Variants in ARHGEF11 observed in about 807,000 individuals in gnomAD.
ARHGEF11 encodes the protein Rho guanine exchange factor (GEF) 11.
ARHGEF11 carries 55 observed loss-of-function variants against 193.7 expected under a neutral mutation model. The ratio of observed to expected loss-of-function variants is 0.28; its 90% confidence interval spans 0.23 to 0.36. The LOEUF (loss-of-function observed/expected upper bound fraction) is 0.36, where lower values mean the gene tolerates loss of function less well. ARHGEF11 is among the 10% of genes least tolerant of loss of function. The probability of loss-of-function intolerance (pLI) is 1.00; values close to 1 mark genes in which losing one functional copy is unlikely to be tolerated. For synonymous variants in ARHGEF11, 693 were observed against 768.0 expected (o/e 0.90, Z 1.62); for missense variants, 1,723 against 2,005.6 (o/e 0.86, Z 2.69).
rs1336390834 is a variant in ARHGEF11 at position 156,944,192 on chromosome 1, AG to A, written c.3068-91del. ...AGGGCCACAGGCTCTTGGAGGCTCT[AG>A]GAAGTCCTGGGAGTCTGGTGACCCC... On this transcript the variant is annotated intron_variant, in intron 31 of 40. Coordinates refer to ENST00000368194, the MANE Select transcript of ARHGEF11 (RefSeq NM_198236.3). 10 of 1,519,412 alleles carry A rather than the reference AG, an allele frequency of 6.6e-6. No individual in the cohort carries two copies. The Admixed American group carries it at 7.6e-5, about 12-fold the overall frequency. The allele number at this position is 1,519,412 out of a possible 1,614,324, so 94.1% of individuals were successfully genotyped here.
At chr1:156,959,945 A>AAC (rs1660583912) in intron 15 of ARHGEF11, among the ~76,000 whole-genome samples, 1 of 93,026 alleles carries the variant, frequency 1.1e-5, no homozygotes, top group Non-Finnish European at 2.1e-5. Context: ...CCCCCCCCCA[A>AAC]AAAAAACAAT....
In ARHGEF11 at chr1:157,044,673, A is replaced by G. The variant is rs1007499219; in HGVS notation, c.-343T>C. ...AGGTTAGCACTATGGCCAAAAAAAA[A>G]TGAATCACAGAAAAATGTGCCTTCA... On this transcript the variant is annotated 5_prime_UTR_variant, in exon 1 of 41. Coordinates refer to ENST00000368194, the MANE Select transcript of ARHGEF11 (RefSeq NM_198236.3). The G allele has an allele frequency of 1.7e-5, 7 of 423,914 alleles. 1 individual carries two copies. The highest frequency in any genetic ancestry group is 2.9e-5 in the Non-Finnish European group (7 of 240,826). The allele number at this position is 423,914 out of a possible 1,614,324, so 26.3% of individuals were successfully genotyped here.
Position 156,978,279 on chromosome 1 carries a change from C to T in ARHGEF11, c.435G>A (p.Thr145=), listed in dbSNP as rs775265585. Residue 145 remains threonine (T), a synonymous_variant, in exon 6 of 41, where the codon ACG becomes ACA. Transcript: ENST00000368194. ...GAGGTGGTGGTGAGGGGATCACTGA[C>T]GTGATTCGGGGAGCTCCTGCTGGGG... ...DPSPAGAPRI[T]SVIPSPPPPP... is the part of the protein sequence containing the mutation. 1.5e-5 allele frequency: 25 copies of T among 1,613,898 alleles called. No individual in the cohort carries two copies. In the Admixed American group the frequency reaches 2.5e-4, roughly 16 times the overall value.
chr1:156,985,485 G>A (rs779823806), intron 2 of ARHGEF11, among the ~76,000 whole-genome samples: 3 of 152,056 alleles, frequency 2.0e-5, no homozygotes, highest in South Asian at 2.1e-4. Context: ...GTGCAATGGC[G>A]CGATCTCGAC....
At chr1:156,956,326 G>T in intron 19 of ARHGEF11, 94 bp downstream of exon 19, 1 of 1,334,136 alleles carries the variant, frequency 7.5e-7, no homozygotes, top group Non-Finnish European at 1.1e-6. Context: ...ATGTTGCCCA[G>T]GCTGGTCTCG....
chr1:156,992,814 C>T (rs1354360776), intron 1 of ARHGEF11, among the ~76,000 whole-genome samples: 1 of 152,108 alleles, frequency 6.6e-6, no homozygotes, highest in Non-Finnish European at 1.5e-5. Context: ...CCACAGCTTA[C>T]ACTGCCCACT....
At position 156,951,681 on chromosome 1, in the gene ARHGEF11, C is replaced by T; in HGVS notation, c.1817G>A (p.Arg606Lys). Residue 606 changes from arginine to lysine, a missense_variant, in exon 22 of 41, where the codon AGG (arginine) becomes AAG (lysine). Arg to Lys is a conservative substitution (Grantham distance 26). Transcript: ENST00000368194. ...GTTCTCAAAGTGCTGAATGATGTTC[C>T]TCACATTGCCTGGTTTGACTAGAAG... ...SPVEVKPGNV[R>K]NIIQHFENNQ... 2 of 1,614,142 alleles carry T rather than the reference C, an allele frequency of 1.2e-6. No homozygotes were observed.
At chr1:156,968,213 C>T in intron 10 of ARHGEF11, 89 bp from the exon 11 acceptor site, 1 of 1,432,384 alleles carries the variant, frequency 7.0e-7, no homozygotes. Context: ...GATAACCATA[C>T]TTATAACATC....
intron 1 of ARHGEF11, among the ~76,000 whole-genome samples, chr1:157,007,047 C>T (rs1667908452): frequency 6.6e-6 from 1 of 152,182 alleles, no homozygotes; most frequent in East Asian, 1.9e-4. Flanking sequence ...CAGGACATGA[C>T]TGACTGGGTA....
chr1:157,033,089 T>C (rs532733943), intron 1 of ARHGEF11, among the ~76,000 whole-genome samples: 15 of 152,300 alleles, frequency 9.8e-5, no homozygotes, highest in Admixed American at 9.2e-4. Context: ...GACCTGCTAA[T>C]GTGATTCTCT....
chr1:156,980,838 G>C (rs1243790599), intron 3 of ARHGEF11, among the ~76,000 whole-genome samples: 3 of 117,194 alleles, frequency 2.6e-5, no homozygotes, highest in South Asian at 3.6e-4. Flanking sequence ...TATTCCGGGG[G>C]GGGGGGGGGA....
At position 156,936,950 on chromosome 1, in the gene ARHGEF11, C is replaced by A. The variant is rs1486870776; in HGVS notation, c.4496G>T (p.Gly1499Val). The A allele has an allele frequency of 6.2e-7, 1 of 1,614,110 alleles. No individual in the cohort carries two copies. The highest frequency in any genetic ancestry group is 2.2e-5 in the East Asian group (1 of 44,862). Reference sequence around the variant, plus strand: ...GAAACTGCCCACAGGCGTGGTGCCACCAGATGACTCTCCCCCAAGGGACTT... The same window carrying A: ...GAAACTGCCCACAGGCGTGGTGCCAACAGATGACTCTCCCCCAAGGGACTT... ...LLKSLGGESS[G>V]GTTPVGSFHT... is the part of the protein sequence containing the mutation. The change falls in exon 40 of 41, where the codon GGT becomes GTT. Residue 1499 changes from glycine (G) to valine (V), a missense_variant. Around this residue, in one of 5 missense-constraint regions of ARHGEF11, gnomAD observed 360 missense variants for 344.4 expected, o/e 1.05. Coordinates refer to ENST00000368194, the MANE Select transcript of ARHGEF11 (RefSeq NM_198236.3).
At chr1:157,036,572 T>A (rs1571611645) in intron 1 of ARHGEF11, among the ~76,000 whole-genome samples, 1 of 151,940 alleles carries the variant, frequency 6.6e-6, no homozygotes, top group African/African-American at 2.4e-5. Flanking sequence ...TCCACCCACC[T>A]CGGCCTCCCA....
At chr1:156,978,806 A>G (rs1223733974) in intron 5 of ARHGEF11, among the ~76,000 whole-genome samples, 2 of 152,270 alleles carry the variant, frequency 1.3e-5, no homozygotes, top group East Asian at 3.9e-4. Context: ...TGTTGTTTCT[A>G]TTTGAATATT....
In ARHGEF11 at chr1:156,938,337, T is replaced by G. The variant is rs1197002568; in HGVS notation, c.4192+81A>C. On this transcript the variant is annotated intron_variant, in intron 38 of 40. Coordinates refer to ENST00000368194, the MANE Select transcript of ARHGEF11 (RefSeq NM_198236.3). Reference sequence around the variant, plus strand: ...GAGCTTGTGGGTGTGTGTGTGACCATGGGCAGGGGTCCGACTCTGCCCTCA... The same window carrying G: ...GAGCTTGTGGGTGTGTGTGTGACCAGGGGCAGGGGTCCGACTCTGCCCTCA... 13 of 1,323,704 alleles carry G rather than the reference T, an allele frequency of 9.8e-6. No homozygotes were observed. In the East Asian group the frequency reaches 3.1e-4, roughly 32 times the overall value. The allele number at this position is 1,323,704 out of a possible 1,614,324, so 82.0% of individuals were successfully genotyped here. A position where few individuals can be genotyped will look rare whatever the true frequency, so the allele number is the denominator to read the frequency against.
At chr1:156,963,780 C>T in intron 11 of ARHGEF11, 186 bp from the exon 12 acceptor site, 1 of 1,425,832 alleles carries the variant, frequency 7.0e-7, no homozygotes, top group South Asian at 1.5e-5. Context: ...TGCAGGAAGT[C>T]AACTGCTTCT....
At chr1:156,955,028 G>A (rs912761951) in intron 20 of ARHGEF11, 107 bp from the exon 21 acceptor site, 9 of 917,066 alleles carry the variant, frequency 9.8e-6, no homozygotes, top group African/African-American at 5.0e-5. Context: ...AGGTAGTGGC[G>A]AAAATCAAGG....
intron 1 of ARHGEF11, among the ~76,000 whole-genome samples, chr1:157,013,298 CA>C (rs1668791655): frequency 1.3e-5 from 2 of 150,952 alleles, no homozygotes; most frequent in Non-Finnish European, 3.0e-5. Flanking sequence ...CACACACACA[CA>C]CCAAGAACCT....
intron 1 of ARHGEF11, among the ~76,000 whole-genome samples, chr1:157,036,758 T>G (rs1672099629): frequency 6.6e-6 from 1 of 152,208 alleles, no homozygotes; most frequent in African/African-American, 2.4e-5. Context: ...ACAAAATGAC[T>G]TCTACTGAAG....
Sources: gnomAD v4.1 joint callset for allele counts (sites outside exome capture counted in the v4.1 genomes callset) on GRCh38, gnomAD v4.1.1 for gene constraint, gnomAD v4.1.1 regional missense constraint, MANE v1.5 for transcripts, NCBI Gene and HGNC (gene_info 2026-07-23, HGNC 2026-07-21) for gene names.